RIN2: variants seen among roughly 807,000 people sequenced by gnomAD.
RIN2 encodes the protein Ras and Rab interactor 2.
Under a neutral mutation model 78.0 loss-of-function variants are expected in RIN2, and 36 were observed. The observed-to-expected ratio is 0.46, with a 90% CI of 0.35 to 0.61. The LOEUF is 0.61. RIN2 is among the 20% of genes least tolerant of loss of function. RIN2 has a pLI of 0.00. For synonymous variants in RIN2, 466 were observed against 466.8 expected, an observed-to-expected ratio of 1.00 and a Z score of 0.02; for missense variants, 1,087 against 1,159.7, an observed-to-expected ratio of 0.94 and a Z score of 0.91.
At chr20:19,968,249 G>A (rs1241728658) in intron 7 of RIN2, among the ~76,000 whole-genome samples, 3 of 152,168 alleles carry the variant, frequency 2.0e-5, no homozygotes, top group Non-Finnish European at 4.4e-5. Flanking sequence ...AATAGTAGTT[G>A]CCCGATGATC....
intron 3 of RIN2, among the ~76,000 whole-genome samples, chr20:19,893,022 A>G (rs2038553912): frequency 6.6e-6 from 1 of 152,238 alleles, no homozygotes; most frequent in South Asian, 2.1e-4. Flanking sequence ...TCAGTCTGGT[A>G]GCAAATAAAG....
chr20:19,941,425 T>C (rs1269729998), intron 4 of RIN2, among the ~76,000 whole-genome samples: 1 of 152,192 alleles, frequency 6.6e-6, no homozygotes, highest in East Asian at 1.9e-4. Context: ...ACTCTGTGGC[T>C]TTTTGAACCA....
At chr20:19,996,458 G>A (rs2042969674) in intron 11 of RIN2, among the ~76,000 whole-genome samples, 1 of 152,232 alleles carries the variant, frequency 6.6e-6, no homozygotes, top group African/African-American at 2.4e-5. Context: ...CCCCTCCCAG[G>A]CCTGGGTCGC....
chr20:19,987,486 G>T (rs1295864134), intron 9 of RIN2, among the ~76,000 whole-genome samples: 3 of 152,158 alleles, frequency 2.0e-5, no homozygotes. Context: ...TAAAATAGTT[G>T]TGTGGCTTCT....
chr20:19,970,936 G>A lies in RIN2; in HGVS notation c.628+7G>A, dbSNP rs370585631. The A allele has an allele frequency of 6.1e-4, 983 of 1,606,494 alleles. 14 individuals carry two copies. In the South Asian group the frequency reaches 9.0e-3, roughly 15 times the overall value. ...CTGGCCCAGATGGGACTAAGTAAGT[G>A]TGTGCCCCCTGCCTGAGTCTATCTA... On this transcript the variant is annotated splice_region_variant and intron_variant, in intron 8 of 12. Coordinates refer to ENST00000255006, the MANE Select transcript of RIN2 (RefSeq NM_018993.4).
At chr20:19,980,944 C>T (rs1211339626) in intron 9 of RIN2, among the ~76,000 whole-genome samples, 2 of 152,218 alleles carry the variant, frequency 1.3e-5, no homozygotes, top group Admixed American at 6.5e-5. Flanking sequence ...GAAGTCACAG[C>T]CACCTCCTCT....
chr20:19,942,624 T>A (rs985314035), intron 4 of RIN2, among the ~76,000 whole-genome samples: 20 of 152,208 alleles, frequency 1.3e-4, no homozygotes, highest in African/African-American at 4.8e-4. Flanking sequence ...TTGATGTGTA[T>A]CCTTCTGATG....
At chr20:19,973,852 A>AGTGT (rs1311326233) in intron 8 of RIN2, among the ~76,000 whole-genome samples, 1 of 152,194 alleles carries the variant, frequency 6.6e-6, no homozygotes, top group Non-Finnish European at 1.5e-5. Flanking sequence ...CACTGATCAC[A>AGTGT]GCACTACCTC....
chr20:19,806,179 G>A (rs931062051), intron 2 of RIN2, among the ~76,000 whole-genome samples: 3 of 152,182 alleles, frequency 2.0e-5, no homozygotes, highest in Admixed American at 2.0e-4. Flanking sequence ...TGCAATAAAT[G>A]TGAGTGTGCA....
chr20:19,889,740 G>T, intron 3 of RIN2, 82 bp downstream of exon 3: 1 of 1,125,762 alleles, frequency 8.9e-7, no homozygotes, highest in African/African-American at 1.6e-5. Context: ...TGGAGCTGCT[G>T]AGGGAAGTCT....
intron 3 of RIN2, among the ~76,000 whole-genome samples, chr20:19,889,948 C>G (rs1308251789): frequency 6.6e-6 from 1 of 152,118 alleles, no homozygotes; most frequent in African/African-American, 2.4e-5. Context: ...CCTTTTTCAG[C>G]TGCAGGGTTT....
chr20:19,818,053 G>A (rs2035816394), intron 2 of RIN2, among the ~76,000 whole-genome samples: 1 of 152,198 alleles, frequency 6.6e-6, no homozygotes, highest in East Asian at 1.9e-4. Flanking sequence ...TACACAGGTA[G>A]GCTATATGGT....
rs772364038 is a variant in RIN2 at position 20,000,833 on chromosome 20, G to A, written c.2585G>A (p.Ser862Asn). 1.7e-5 allele frequency: 28 copies of A among 1,613,858 alleles called. No homozygotes were observed. The highest frequency in any genetic ancestry group is 2.3e-5 in the Non-Finnish European group (27 of 1,179,888). ...YPQKIKAELHSRPQPHIFHFV... is the reference protein window; with the variant it reads ...YPQKIKAELHNRPQPHIFHFV... ...CAAAAAATCAAGGCGGAGCTGCACA[G>A]CCGACCACAGCCCCACATCTTCCAC... Residue 862 changes from serine (S) to asparagine (N), a missense_variant, in exon 13 of 13, where the codon AGC becomes AAC. By Grantham distance (46) the Ser-to-Asn change is conservative. Around this residue, in one of 8 missense-constraint regions of RIN2, gnomAD observed 160 missense variants for 179.4 expected, o/e 0.89. Transcript: ENST00000255006.
At chr20:19,817,534 A>C (rs1488276842) in intron 2 of RIN2, among the ~76,000 whole-genome samples, 2 of 152,214 alleles carry the variant, frequency 1.3e-5, no homozygotes, top group Non-Finnish European at 2.9e-5. Context: ...AAACATTTAG[A>C]TTATAGCACC....
intron 2 of RIN2, among the ~76,000 whole-genome samples, chr20:19,867,609 G>A (rs911977317): frequency 2.0e-5 from 3 of 152,176 alleles, no homozygotes; most frequent in Non-Finnish European, 1.5e-5. Context: ...TTTGTCTGAT[G>A]CTCCTCACAG....
At chr20:19,814,323 A>C (rs2035696475) in intron 2 of RIN2, among the ~76,000 whole-genome samples, 1 of 152,180 alleles carries the variant, frequency 6.6e-6, no homozygotes, top group South Asian at 2.1e-4. Flanking sequence ...GTTTGGACCC[A>C]TGTTTGGTAG....
At chr20:19,971,944 G>A (rs763884747) in intron 8 of RIN2, among the ~76,000 whole-genome samples, 4 of 152,002 alleles carry the variant, frequency 2.6e-5, no homozygotes, top group Non-Finnish European at 5.9e-5. Flanking sequence ...GTTTCACCAC[G>A]TTGGCCAAGC....
At chr20:19,836,283 T>C (rs1360843624) in intron 2 of RIN2, among the ~76,000 whole-genome samples, 1 of 152,194 alleles carries the variant, frequency 6.6e-6, no homozygotes, top group Non-Finnish European at 1.5e-5. Context: ...CCAGGTAAAT[T>C]CTTGTTTCAA....
intron 3 of RIN2, among the ~76,000 whole-genome samples, chr20:19,931,121 G>A (rs371650312): frequency 6.6e-6 from 1 of 151,994 alleles, no homozygotes. Flanking sequence ...ACACGTGACC[G>A]AGCCCATTGA....
Sources: gnomAD v4.1 joint callset for allele counts (sites outside exome capture counted in the v4.1 genomes callset) on GRCh38, gnomAD v4.1.1 for gene constraint, gnomAD v4.1.1 regional missense constraint, MANE v1.5 for transcripts, NCBI Gene and HGNC (gene_info 2026-07-23, HGNC 2026-07-21) for gene names.